The following GRM7 variants were observed in gnomAD, a reference collection of about 807,000 sequenced individuals.
GRM7 encodes glutamate metabotropic receptor 7, also known as metabotropic glutamate receptor 7.
GRM7 carries 35 observed loss-of-function variants against 84.5 expected under a neutral mutation model. That is an observed-to-expected ratio of 0.41 (90% CI 0.32 to 0.55). The LOEUF is 0.55. GRM7 is among the 20% of genes least tolerant of loss of function. The pLI is 0.19. For missense variants in GRM7, 1,003 were observed against 1,194.6 expected (o/e 0.84, Z 2.36); for synonymous variants, 487 against 455.1 (o/e 1.07, Z -0.89).
In GRM7 at chr3:7,179,290, T is replaced by A. The variant is rs1695259174; in HGVS notation, c.736+32622T>A. ...CATGGGGCATGAGCAAGTGGAAGCA[T>A]CTAAAATATTTAATTGTCCCCCTCC... is the stretch of plus-strand genomic sequence containing the variant. On this transcript the variant is annotated intron_variant, in intron 2 of 9. Coordinates refer to ENST00000357716, the MANE Select transcript of GRM7 (RefSeq NM_000844.4). 5.3e-5 allele frequency among the ~76,000 whole-genome samples: 8 copies of A among 152,160 alleles called. No individual in the cohort carries two copies. In the South Asian group the frequency reaches 1.7e-3, roughly 32 times the overall value.
chr3:7,206,115 A>G lies in GRM7; in HGVS notation c.736+59447A>G, dbSNP rs141196025. Among the ~76,000 whole-genome samples the G allele has an allele frequency of 4.2e-3, 638 of 152,180 alleles. 6 individuals carry two copies. The highest frequency in any genetic ancestry group is 0.015 in the African/African-American group (611 of 41,528). ...CGGGGATGAAAATGCATTTGGTTCTATGTTCCTTAGTCTTTTTGCTTTCAT... is the reference window on the plus strand; with the variant it reads ...CGGGGATGAAAATGCATTTGGTTCTGTGTTCCTTAGTCTTTTTGCTTTCAT... On this transcript the variant is annotated intron_variant, in intron 2 of 9. Transcript: ENST00000357716.
chr3:7,422,086 C>G (rs1696420223), intron 5 of GRM7, among the ~76,000 whole-genome samples: 1 of 151,954 alleles, frequency 6.6e-6, no homozygotes, highest in Non-Finnish European at 1.5e-5. Flanking sequence ...CAGAGTGAGA[C>G]CTTGCCTCAA....
intron 7 of GRM7, among the ~76,000 whole-genome samples, chr3:7,473,489 G>GAGA: frequency 1.6e-5 from 2 of 126,502 alleles, no homozygotes; most frequent in South Asian, 5.6e-4. Context: ...AAAACGAGAG[G>GAGA]GAGAGAGAGA....
At chr3:7,468,107 C>G (rs934356953) in intron 7 of GRM7, among the ~76,000 whole-genome samples, 12 of 152,152 alleles carry the variant, frequency 7.9e-5, no homozygotes, top group Non-Finnish European at 1.5e-4. Flanking sequence ...GCTAATCACT[C>G]TATTGTTTCA....
intron 8 of GRM7, among the ~76,000 whole-genome samples, chr3:7,597,864 C>T (rs188272495): frequency 6.6e-6 from 1 of 152,246 alleles, no homozygotes; most frequent in South Asian, 2.1e-4. Context: ...TTGACCAAGA[C>T]ACATCATAAA....
chr3:7,422,317 G>A (rs1328924725), intron 5 of GRM7, among the ~76,000 whole-genome samples: 1 of 152,126 alleles, frequency 6.6e-6, no homozygotes, highest in African/African-American at 2.4e-5. Flanking sequence ...TTAGACCAGC[G>A]TTGACCAATG....
At chr3:7,435,832 C>T (rs191243671) in intron 5 of GRM7, among the ~76,000 whole-genome samples, 184 of 147,506 alleles carry the variant, frequency 1.2e-3, no homozygotes, top group African/African-American at 4.1e-3. Flanking sequence ...GGACTACAGG[C>T]GCCCGCCACC....
intron 4 of GRM7, among the ~76,000 whole-genome samples, chr3:7,343,403 G>A (rs771375565): frequency 3.0e-4 from 46 of 151,870 alleles, no homozygotes; most frequent in Non-Finnish European, 5.6e-4. Flanking sequence ...TTGTGGAGAC[G>A]GGGTCTCACT....
At chr3:7,387,400 C>T (rs1338904263) in intron 4 of GRM7, among the ~76,000 whole-genome samples, 1 of 152,150 alleles carries the variant, frequency 6.6e-6, no homozygotes, top group Admixed American at 6.5e-5. Context: ...CTAGGTTACT[C>T]TCTTAGATTT....
chr3:7,177,601 C>T (rs1252610637), intron 2 of GRM7, among the ~76,000 whole-genome samples: 1 of 144,662 alleles, frequency 6.9e-6, no homozygotes, highest in Non-Finnish European at 1.5e-5. Context: ...ATGGAGGAGA[C>T]AGGAGAGTTA....
intron 5 of GRM7, among the ~76,000 whole-genome samples, chr3:7,432,073 A>G (rs559454794): frequency 3.3e-5 from 5 of 152,302 alleles, no homozygotes; most frequent in African/African-American, 1.2e-4. Context: ...CTGAGACTCA[A>G]GCATGAAGCT....
At chr3:7,408,641 C>T (rs1695784120) in intron 4 of GRM7, among the ~76,000 whole-genome samples, 1 of 152,124 alleles carries the variant, frequency 6.6e-6, no homozygotes, top group Non-Finnish European at 1.5e-5. Context: ...GCCTCCAGGA[C>T]CTCAAAGATT....
At chr3:7,103,798 CTTTCTTTCTTTCTT>C (rs1483619858) in intron 1 of GRM7, among the ~76,000 whole-genome samples, 32 of 111,592 alleles carry the variant, frequency 2.9e-4, no homozygotes, top group African/African-American at 1.4e-3. Context: ...TTCTTTCTTT[CTTTCTTTCTTTCTT>C]TCTTTCTCTC....
rs546534469 is a variant in GRM7 at position 7,473,452 on chromosome 3, C to T, written c.1515+11730C>T. ...GACTGCACTGCTGCACTCCAACCTA[C>T]GCAACAGAGCAAGACTCTGTCTCTT... On this transcript the variant is annotated intron_variant, in intron 7 of 9. Coordinates refer to ENST00000357716, the MANE Select transcript of GRM7 (RefSeq NM_000844.4). Among the ~76,000 whole-genome samples, 115 of 148,504 alleles carry T rather than the reference C, an allele frequency of 7.7e-4. 1 individual carries two copies. Among genetic ancestry groups the T allele is most frequent in the East Asian group, 3.6e-3 (18 of 5,058 alleles).
At chr3:7,150,454 C>T (rs1694249982) in intron 2 of GRM7, among the ~76,000 whole-genome samples, 1 of 152,106 alleles carries the variant, frequency 6.6e-6, no homozygotes, top group African/African-American at 2.4e-5. Flanking sequence ...TTGTTTAAAA[C>T]ATGGAAGTCT....
At chr3:7,682,780 G>T (rs1352318344) in intron 9 of GRM7, among the ~76,000 whole-genome samples, 1 of 152,094 alleles carries the variant, frequency 6.6e-6, no homozygotes, top group Non-Finnish European at 1.5e-5. Context: ...GTATGACATT[G>T]GTTGTTAAAA....
intron 1 of GRM7, among the ~76,000 whole-genome samples, chr3:7,068,006 T>C (rs1384417639): frequency 6.6e-6 from 1 of 152,038 alleles, no homozygotes; most frequent in Non-Finnish European, 1.5e-5. Flanking sequence ...TGCCATCCTG[T>C]AATGTAGTTA....
intron 1 of GRM7, among the ~76,000 whole-genome samples, chr3:6,894,306 A>G (rs1207127491): frequency 6.6e-6 from 1 of 152,186 alleles, no homozygotes. Context: ...TTAGATGAAG[A>G]TGCTATGAAA....
intron 4 of GRM7, among the ~76,000 whole-genome samples, chr3:7,412,225 G>T (rs868676620): frequency 1.3e-5 from 2 of 152,208 alleles, no homozygotes; most frequent in Middle Eastern, 3.4e-3. Flanking sequence ...TGAAGCCTTG[G>T]GTGCCCCCTG....
Sources: gnomAD v4.1 joint callset for allele counts (sites outside exome capture counted in the v4.1 genomes callset) on GRCh38, gnomAD v4.1.1 for gene constraint, MANE v1.5 for transcripts, NCBI Gene and HGNC (gene_info 2026-07-23, HGNC 2026-07-21) for gene names.